The following CHD6 variants were observed in gnomAD, a reference collection of about 807,000 sequenced individuals.
CHD6 encodes chromodomain helicase DNA binding protein 6.
CHD6 carries 50 observed loss-of-function variants against 276.9 expected under a neutral mutation model. That is an observed-to-expected ratio of 0.18 (90% CI 0.14 to 0.23). The LOEUF (loss-of-function observed/expected upper bound fraction) is 0.23, where lower values mean the gene tolerates loss of function less well. Among genes scored for constraint, CHD6 ranks in the 10% least tolerant of loss-of-function variants. The pLI is 1.00. For missense variants in CHD6, 2,564 were observed against 3,365.8 expected (o/e 0.76, Z 5.89); for synonymous variants, 1,173 against 1,229.3 (o/e 0.95, Z 0.96).
At chr20:41,571,515 C>T (rs1329654775) in intron 1 of CHD6, among the ~76,000 whole-genome samples, 1 of 151,644 alleles carries the variant, frequency 6.6e-6, no homozygotes, top group Non-Finnish European at 1.5e-5. Flanking sequence ...CCTCAGCCTT[C>T]CGAGTAGCTG....
chr20:41,523,233 A>G (rs1358972549), intron 3 of CHD6, among the ~76,000 whole-genome samples: 14 of 152,158 alleles, frequency 9.2e-5, no homozygotes, highest in Non-Finnish European at 1.6e-4. Context: ...ACTTGTAACC[A>G]AGAGAGTTCT....
intron 1 of CHD6, among the ~76,000 whole-genome samples, chr20:41,574,064 G>A (rs570627272): frequency 5.3e-5 from 8 of 151,726 alleles, no homozygotes; most frequent in Middle Eastern, 3.4e-3. Context: ...AATGCAGGTC[G>A]GCAATGCCCT....
At chr20:41,596,463 A>G (rs1206471158) in intron 1 of CHD6, among the ~76,000 whole-genome samples, 51 of 152,106 alleles carry the variant, frequency 3.4e-4, no homozygotes, top group Admixed American at 3.3e-3. Context: ...CGAGGGAGGA[A>G]AGAACCATGA....
intron 5 of CHD6, among the ~76,000 whole-genome samples, chr20:41,504,378 T>G (rs1181358553): frequency 1.3e-5 from 2 of 150,008 alleles, no homozygotes; most frequent in Non-Finnish European, 3.0e-5. Context: ...TTAAAATTCA[T>G]CTTGTCCATC....
At chr20:41,535,295 G>C (rs1028470352) in intron 2 of CHD6, among the ~76,000 whole-genome samples, 4 of 152,186 alleles carry the variant, frequency 2.6e-5, no homozygotes, top group Non-Finnish European at 5.9e-5. Context: ...GGGTACACTA[G>C]GGCTTCTGCA....
At chr20:41,447,439 C>G (rs1413940365) in intron 24 of CHD6, among the ~76,000 whole-genome samples, 2 of 152,140 alleles carry the variant, frequency 1.3e-5, no homozygotes, top group African/African-American at 4.8e-5. Context: ...ATTTGCAAAA[C>G]TAACATGCAA....
chr20:41,588,332 G>A (rs1054422138), intron 1 of CHD6, among the ~76,000 whole-genome samples: 5 of 152,106 alleles, frequency 3.3e-5, no homozygotes, highest in African/African-American at 9.7e-5. Context: ...AGTTCAGGTC[G>A]GCTCAGGTGG....
chr20:41,582,516 G>A (rs1255964495), intron 1 of CHD6, among the ~76,000 whole-genome samples: 2 of 152,162 alleles, frequency 1.3e-5, no homozygotes, highest in African/African-American at 2.4e-5. Flanking sequence ...AACAGTAGTA[G>A]TCTCAACATA....
intron 1 of CHD6, among the ~76,000 whole-genome samples, chr20:41,597,751 T>C (rs572805538): frequency 6.6e-6 from 1 of 152,194 alleles, no homozygotes; most frequent in South Asian, 2.1e-4. Context: ...CTCTTTCCCT[T>C]AGCTACCCCA....
rs747302348 is a variant in CHD6 at position 41,421,660 on chromosome 20, G to A, written c.4975C>T (p.Pro1659Ser). The A allele has an allele frequency of 1.2e-6, 2 of 1,613,388 alleles. No homozygotes were observed. The highest frequency in any genetic ancestry group is 2.2e-5 in the South Asian group (2 of 91,012). The change falls in exon 31 of 37, where the codon CCT (proline) becomes TCT (serine). Residue 1659 changes from proline to serine, a missense_variant. Physicochemically the swap from Pro to Ser is moderately conservative, Grantham distance 74. Transcript: ENST00000373233. ...SRTSESLENEPENLVRVESRD... is the reference protein window; with the variant it reads ...SRTSESLENESENLVRVESRD... ...CTTTCTACTCTCACTAGATTTTCAG[G>A]TTCATTTTCAAGGGACTCTGAAGTC... is the stretch of plus-strand genomic sequence containing the variant.
intron 33 of CHD6, among the ~76,000 whole-genome samples, 173 bp from the exon 34 acceptor site, chr20:41,415,811 A>T (rs1463001888): frequency 6.6e-6 from 1 of 152,206 alleles, no homozygotes; most frequent in Non-Finnish European, 1.5e-5. Flanking sequence ...TGCAGATTCT[A>T]CTTCAGTGGG....
chr20:41,552,171 C>T (rs1465104243), intron 1 of CHD6, among the ~76,000 whole-genome samples: 1 of 152,222 alleles, frequency 6.6e-6, no homozygotes, highest in East Asian at 1.9e-4. Flanking sequence ...AAGCTCTTAC[C>T]TTCCTCATAT....
intron 3 of CHD6, among the ~76,000 whole-genome samples, chr20:41,523,291 T>C (rs1160369319): frequency 6.6e-6 from 1 of 152,178 alleles, no homozygotes; most frequent in Non-Finnish European, 1.5e-5. Context: ...GCACAGGAGC[T>C]TGAATCAAAG....
chr20:41,443,936 G>A (rs1379491465), intron 25 of CHD6, among the ~76,000 whole-genome samples: 2 of 152,136 alleles, frequency 1.3e-5, no homozygotes, highest in African/African-American at 2.4e-5. Flanking sequence ...TGGGTGTGTT[G>A]GGGTGGGGGA....
intron 2 of CHD6, among the ~76,000 whole-genome samples, chr20:41,546,765 C>CTTT (rs990360058): frequency 3.1e-4 from 47 of 152,104 alleles, no homozygotes; most frequent in Admixed American, 2.6e-4. Flanking sequence ...TAACGTATTT[C>CTTT]TTAGAAGCAG....
intron 16 of CHD6, among the ~76,000 whole-genome samples, chr20:41,478,288 T>C (rs1360585386): frequency 6.6e-6 from 1 of 152,142 alleles, no homozygotes; most frequent in Admixed American, 6.5e-5. Flanking sequence ...CCTCTGCTTC[T>C]GGTAAGGAGG....
chr20:41,451,142 C>A (rs745616972), intron 22 of CHD6, 37 bp from the exon 23 acceptor site: 4 of 1,589,922 alleles, frequency 2.5e-6, no homozygotes, highest in Non-Finnish European at 3.4e-6. Flanking sequence ...AGTGGATAGC[C>A]AAGGGGGGTG....
chr20:41,488,474 T>C lies in CHD6; in HGVS notation c.1811A>G (p.Lys604Arg), dbSNP rs1568635658. 1 of 1,613,964 alleles carries C rather than the reference T, an allele frequency of 6.2e-7. No homozygotes were observed. The highest frequency in any genetic ancestry group is 8.5e-7 in the Non-Finnish European group (1 of 1,179,880). ...CVIIDEAHRL[K>R]NRNCKLLEGL... ...CTCCAGAAGTTTGCAGTTCCTATTCTTCAGTCTGTGGGCTTCATCAATTAT... is the reference window on the plus strand; with the variant it reads ...CTCCAGAAGTTTGCAGTTCCTATTCCTCAGTCTGTGGGCTTCATCAATTAT... Residue 604 changes from lysine to arginine, a missense_variant, in exon 13 of 37, where the codon AAG (lysine) becomes AGG (arginine). Lys to Arg is a conservative substitution (Grantham distance 26). Around this residue, in one of 7 missense-constraint regions of CHD6, gnomAD observed 457 missense variants for 889.0 expected, o/e 0.51. Transcript: ENST00000373233.
At chr20:41,474,784 A>G (rs1430459553) in intron 16 of CHD6, among the ~76,000 whole-genome samples, 2 of 152,234 alleles carry the variant, frequency 1.3e-5, no homozygotes, top group Non-Finnish European at 2.9e-5. Flanking sequence ...AGAAAAAGCC[A>G]TGTAAAGAAA....
Sources: gnomAD v4.1 joint callset for allele counts (sites outside exome capture counted in the v4.1 genomes callset) on GRCh38, gnomAD v4.1.1 for gene constraint, gnomAD v4.1.1 regional missense constraint, MANE v1.5 for transcripts, NCBI Gene and HGNC (gene_info 2026-07-23, HGNC 2026-07-21) for gene names.